Variants in SVOPL observed in about 807,000 individuals in gnomAD.
The protein encoded by SVOPL is putative transporter SVOPL.
In SVOPL, 60 loss-of-function variants were observed where a neutral mutation model predicts 61.0. That is an observed-to-expected ratio of 0.98 (90% CI 0.80 to 1.22). The LOEUF is 1.22. Ranked by LOEUF, SVOPL falls within the 50% of genes most tolerant of loss-of-function variation. The pLI is 0.00. For missense variants in SVOPL, 662 were observed against 643.9 expected (o/e 1.03, Z -0.30); for synonymous variants, 279 against 250.0 (o/e 1.12, Z -1.09).
At position 138,608,369 on chromosome 7, in the gene SVOPL, C is replaced by T. The variant is rs1465314209; in HGVS notation, c.1354-11839G>A. Among the ~76,000 whole-genome samples the T allele has an allele frequency of 2.6e-5, 4 of 152,194 alleles. No individual in the cohort carries two copies. In the East Asian group the frequency reaches 7.7e-4, roughly 29 times the overall value. ...AGAACATGTCAGTGACAAAAGCAGACAGATCAATGGACTAAAATAGCGAGC... is the reference window on the plus strand; with the variant it reads ...AGAACATGTCAGTGACAAAAGCAGATAGATCAATGGACTAAAATAGCGAGC... On this transcript the variant is annotated intron_variant, in intron 14 of 15. Coordinates refer to ENST00000674285, the MANE Select transcript of SVOPL (RefSeq NM_001139456.2).
Position 138,669,337 on chromosome 7 carries a change from G to A in SVOPL, c.273+2682C>T, listed in dbSNP as rs181211402. Among the ~76,000 whole-genome samples, 3 of 152,248 alleles carry A rather than the reference G, an allele frequency of 2.0e-5. No homozygotes were observed. The East Asian group carries it at 5.8e-4, about 29-fold the overall frequency. The stretch of plus-strand genomic sequence containing the variant: ...GCAAGAGGATTATTTGAGCCCAGGA[G>A]TTCAAAGCTGCGGTGAGCTATGATC... On this transcript the variant is annotated intron_variant, in intron 4 of 15. Coordinates refer to ENST00000674285, the MANE Select transcript of SVOPL (RefSeq NM_001139456.2).
chr7:138,662,205 G>C, intron 5 of SVOPL: 5 of 985,496 alleles, frequency 5.1e-6, no homozygotes, highest in Non-Finnish European at 6.0e-6. Flanking sequence ...CCTCATAGCA[G>C]CAGGTTTGGC....
At chr7:138,698,893 G>A (rs1188475830) in intron 1 of SVOPL, among the ~76,000 whole-genome samples, 1 of 152,190 alleles carries the variant, frequency 6.6e-6, no homozygotes, top group Non-Finnish European at 1.5e-5. Context: ...GCTCACACCT[G>A]TAATCCCAGC....
chr7:138,656,514 A>T lies in SVOPL; in HGVS notation c.471-3T>A. Reference sequence around the variant, plus strand: ...AAAATTCAGTCTTTATGATTAACCTAAACAGGAAGCAGGAAAAAGCATAAT... The same window carrying T: ...AAAATTCAGTCTTTATGATTAACCTTAACAGGAAGCAGGAAAAAGCATAAT... On this transcript the variant is annotated splice_region_variant and splice_polypyrimidine_tract_variant and intron_variant, in intron 6 of 15. Coordinates refer to ENST00000674285, the MANE Select transcript of SVOPL (RefSeq NM_001139456.2). The T allele has an allele frequency of 6.2e-7, 1 of 1,613,800 alleles. No individual in the cohort carries two copies. The highest frequency in any genetic ancestry group is 8.5e-7 in the Non-Finnish European group (1 of 1,179,928).
At chr7:138,602,268 C>T (rs1798555632) in intron 14 of SVOPL, among the ~76,000 whole-genome samples, 1 of 151,972 alleles carries the variant, frequency 6.6e-6, no homozygotes, top group Non-Finnish European at 1.5e-5. Flanking sequence ...TGTTCAGTTT[C>T]CCATTGCTTG....
intron 9 of SVOPL, among the ~76,000 whole-genome samples, chr7:138,641,172 C>T (rs945332610): frequency 6.6e-6 from 1 of 150,526 alleles, no homozygotes; most frequent in African/African-American, 2.4e-5. Context: ...GCACTCCAAC[C>T]GAGGTGACAG....
chr7:138,626,028 A>G lies in SVOPL; in HGVS notation c.1204T>C (p.Phe402Leu), dbSNP rs1426450160. 9 of 1,614,150 alleles carry G rather than the reference A, an allele frequency of 5.6e-6. No individual in the cohort carries two copies. The highest frequency in any genetic ancestry group is 1.1e-5 in the South Asian group (1 of 91,076). ...GCAGCTACCAGAGCCCTCAGCATGAAGAGGAAGCCAATCAGGCCGGCACTA... is the reference window on the plus strand; with the variant it reads ...GCAGCTACCAGAGCCCTCAGCATGAGGAGGAAGCCAATCAGGCCGGCACTA... ...TSSAGLIGFL[F>L]MLRALVAANF... Residue 402 changes from phenylalanine to leucine, a missense_variant, in exon 13 of 16, where the codon TTC becomes CTC. By Grantham distance (22) the Phe-to-Leu change is conservative. Coordinates refer to ENST00000674285, the MANE Select transcript of SVOPL (RefSeq NM_001139456.2).
intron 1 of SVOPL, among the ~76,000 whole-genome samples, chr7:138,690,329 C>A (rs570569633): frequency 1.3e-5 from 2 of 152,108 alleles, no homozygotes; most frequent in African/African-American, 2.4e-5. Flanking sequence ...GTGATCTGAG[C>A]TCACTGTAAC....
intron 1 of SVOPL, among the ~76,000 whole-genome samples, chr7:138,685,760 T>C (rs1802795176): frequency 6.6e-6 from 1 of 151,824 alleles, no homozygotes; most frequent in African/African-American, 2.4e-5. Context: ...TAATCCCAGC[T>C]ACTCAGGAGC....
chr7:138,686,167 C>T (rs1397778141), intron 1 of SVOPL, among the ~76,000 whole-genome samples: 1 of 151,962 alleles, frequency 6.6e-6, no homozygotes, highest in African/African-American at 2.4e-5. Context: ...CTTTGGGAGG[C>T]CGAGGTGGGT....
Position 138,628,196 on chromosome 7 carries a change from T to TA in SVOPL, c.1030dup (p.Tyr344LeufsTer11). ...GATGGTGCTGATGATCATGGTCCGA[T>TA]AGTCAGAGGGTGCAAACATGTGGCA... On this transcript the variant is annotated frameshift_variant, in exon 11 of 16. Coordinates refer to ENST00000674285, the MANE Select transcript of SVOPL (RefSeq NM_001139456.2). LOFTEE classifies it high-confidence loss of function. 6.2e-7 allele frequency: 1 copy of TA among 1,614,164 alleles called. No individual in the cohort carries two copies. Among genetic ancestry groups the TA allele is most frequent in the East Asian group, 2.2e-5 (1 of 44,880 alleles).
At chr7:138,603,352 C>G (rs1798610302) in intron 14 of SVOPL, among the ~76,000 whole-genome samples, 1 of 152,156 alleles carries the variant, frequency 6.6e-6, no homozygotes, top group Non-Finnish European at 1.5e-5. Context: ...CAATGTATAA[C>G]CTGCTGACAC....
chr7:138,622,202 GTATC>G (rs1195847598), intron 13 of SVOPL, among the ~76,000 whole-genome samples: 7,532 of 58,814 alleles, frequency 0.13, 850 homozygotes, highest in Middle Eastern at 0.16. Flanking sequence ...ATCTATCTAT[GTATC>G]TATCTATCTA....
intron 3 of SVOPL, among the ~76,000 whole-genome samples, chr7:138,673,667 A>T (rs990742972): frequency 7.2e-5 from 11 of 152,072 alleles, no homozygotes; most frequent in Non-Finnish European, 1.6e-4. Flanking sequence ...ATCTCAGAAT[A>T]ATGTTTGATT....
rs531618363 is a variant in SVOPL at position 138,654,225 on chromosome 7, T to A, written c.534+2223A>T. On this transcript the variant is annotated intron_variant, in intron 7 of 15. Coordinates refer to ENST00000674285, the MANE Select transcript of SVOPL (RefSeq NM_001139456.2). ...GTGTTTGCTAGATCAGTAGAGTGAC[T>A]ATAGTTAATATTAATTGACTGTACA... 4.3e-4 allele frequency among the ~76,000 whole-genome samples: 65 copies of A among 151,916 alleles called. 1 individual carries two copies. In the South Asian group the frequency reaches 5.0e-3, roughly 12 times the overall value.
At chr7:138,623,729 TG>T (rs1172849004) in intron 13 of SVOPL, among the ~76,000 whole-genome samples, 1 of 152,242 alleles carries the variant, frequency 6.6e-6, no homozygotes, top group Non-Finnish European at 1.5e-5. Flanking sequence ...TAGATTTTTT[TG>T]GTTTATAAAT....
chr7:138,640,920 G>T (rs761901011), intron 9 of SVOPL, among the ~76,000 whole-genome samples: 6 of 151,964 alleles, frequency 3.9e-5, no homozygotes, highest in Non-Finnish European at 7.4e-5. Flanking sequence ...AATAAGAGTT[G>T]ACTGGGTTAC....
Position 138,659,924 on chromosome 7 carries a change from T to C in SVOPL, c.410A>G (p.Tyr137Cys). The C allele has an allele frequency of 6.4e-7, 1 of 1,551,232 alleles. No homozygotes were observed. Reference sequence around the variant, plus strand: ...CGTCCGCAGGAAGACAAACCAGATGTACGAAGGAGCAAACGAGGTCAGCAA... The same window carrying C: ...CGTCCGCAGGAAGACAAACCAGATGCACGAAGGAGCAAACGAGGTCAGCAA... ...FSLLTSFAPS[Y>C]IWFVFLRTMV... The change falls in exon 6 of 16, where the codon TAC (tyrosine) becomes TGC (cysteine). Residue 137 changes from tyrosine to cysteine, a missense_variant. Tyr to Cys is a radical substitution (Grantham distance 194). Transcript: ENST00000674285.
intron 2 of SVOPL, 107 bp from the exon 3 acceptor site, chr7:138,678,632 C>T (rs879871865): frequency 3.0e-5 from 33 of 1,116,610 alleles, no homozygotes; most frequent in Non-Finnish European, 3.6e-5. Flanking sequence ...CAAGTTAATA[C>T]GGGGGGTCAG....
Sources: allele counts gnomAD v4.1 joint callset (sites outside exome capture counted in the v4.1 genomes callset), GRCh38; gene constraint gnomAD v4.1.1; transcripts MANE v1.5; gene names NCBI Gene and HGNC (gene_info 2026-07-23, HGNC 2026-07-21).